TAFA1: variants seen among roughly 807,000 people sequenced by gnomAD.
The protein encoded by TAFA1 is chemokine-like protein TAFA-1.
TAFA1 carries 4 observed loss-of-function variants against 18.5 expected under a neutral mutation model. The observed-to-expected ratio is 0.22, with a 90% CI of 0.11 to 0.49. The LOEUF (loss-of-function observed/expected upper bound fraction) is 0.49, where lower values mean the gene tolerates loss of function less well. Ranked by LOEUF, TAFA1 falls within the 20% of genes least tolerant of loss-of-function variation. The probability of loss-of-function intolerance (pLI) is 0.98; values close to 1 mark genes in which losing one functional copy is unlikely to be tolerated. For synonymous variants in TAFA1, 56 were observed against 55.2 expected (o/e 1.01, Z -0.06); for missense variants, 147 against 169.0 (o/e 0.87, Z 0.72).
At chr3:68,478,749 T>A (rs2072153865) in intron 3 of TAFA1, among the ~76,000 whole-genome samples, 1 of 151,992 alleles carries the variant, frequency 6.6e-6, no homozygotes, top group African/African-American at 2.4e-5. Flanking sequence ...AATCAAAAAA[T>A]GTTATTTAAA....
chr3:68,422,504 C>T (rs1033197677), intron 3 of TAFA1, among the ~76,000 whole-genome samples: 8 of 151,974 alleles, frequency 5.3e-5, no homozygotes, highest in African/African-American at 1.9e-4. Context: ...ACAGTGTTTT[C>T]AAAAACAAGA....
chr3:68,078,959 T>C (rs545118440), intron 2 of TAFA1, among the ~76,000 whole-genome samples: 1 of 152,348 alleles, frequency 6.6e-6, no homozygotes, highest in South Asian at 2.1e-4. Context: ...TTTTGGCTGG[T>C]AAGCTATTGA....
At chr3:68,365,859 G>A (rs1035510744) in intron 2 of TAFA1, among the ~76,000 whole-genome samples, 1 of 152,044 alleles carries the variant, frequency 6.6e-6, no homozygotes, top group Non-Finnish European at 1.5e-5. Context: ...AGGCCAAGGC[G>A]GGCGGATCAC....
At chr3:68,381,238 C>G (rs1237284432) in intron 2 of TAFA1, among the ~76,000 whole-genome samples, 52 of 150,032 alleles carry the variant, frequency 3.5e-4, no homozygotes, top group Non-Finnish European at 6.4e-4. Flanking sequence ...GCTTAGGATT[C>G]ACTTGGCAAT....
chr3:68,359,529 G>T (rs1212104698), intron 2 of TAFA1, among the ~76,000 whole-genome samples: 1 of 151,976 alleles, frequency 6.6e-6, no homozygotes, highest in Non-Finnish European at 1.5e-5. Flanking sequence ...TGGATTTGAA[G>T]ATCAAGGAAG....
chr3:68,030,770 A>G (rs369606003), intron 2 of TAFA1, among the ~76,000 whole-genome samples: 1 of 152,250 alleles, frequency 6.6e-6, no homozygotes, highest in Non-Finnish European at 1.5e-5. Flanking sequence ...TCCTTTGGGT[A>G]TATACTCCAC....
intron 2 of TAFA1, among the ~76,000 whole-genome samples, chr3:68,278,471 G>C (rs187699895): frequency 2.0e-4 from 30 of 152,212 alleles, no homozygotes; most frequent in African/African-American, 7.2e-4. Flanking sequence ...GAGGGAGGCA[G>C]GTTGTTGTTC....
At chr3:68,032,096 G>GT (rs1157752258) in intron 2 of TAFA1, among the ~76,000 whole-genome samples, 2 of 151,890 alleles carry the variant, frequency 1.3e-5, no homozygotes, top group African/African-American at 2.4e-5. Flanking sequence ...GTACCTTCAT[G>GT]TTTTTTTCAG....
chr3:68,283,438 G>A (rs1486132723), intron 2 of TAFA1, among the ~76,000 whole-genome samples: 1 of 152,202 alleles, frequency 6.6e-6, no homozygotes, highest in Non-Finnish European at 1.5e-5. Flanking sequence ...AGTAATTTAT[G>A]CATAATTTTT....
chr3:68,348,048 G>A lies in TAFA1; in HGVS notation c.119-69232G>A, dbSNP rs114920196. On this transcript the variant is annotated intron_variant, in intron 2 of 4. Transcript: ENST00000478136. ...AACTCCCTGATGTTGATTCCTCAGA[G>A]CCTTTTCATACCTTATCTGTAAAGC... 4.8e-3 allele frequency among the ~76,000 whole-genome samples: 728 copies of A among 152,192 alleles called. 11 individuals carry two copies. Among genetic ancestry groups the A allele is most frequent in the African/African-American group, 0.017 (691 of 41,514 alleles).
chr3:68,215,113 C>T (rs1051022952), intron 2 of TAFA1, among the ~76,000 whole-genome samples: 9 of 151,888 alleles, frequency 5.9e-5, no homozygotes, highest in South Asian at 2.1e-4. Context: ...TGAATTTATG[C>T]GGTTATAACT....
intron 4 of TAFA1, 49 bp downstream of exon 4, chr3:68,538,929 T>C: frequency 6.3e-7 from 1 of 1,598,236 alleles, no homozygotes; most frequent in South Asian, 1.1e-5. Flanking sequence ...GACTGTACTA[T>C]TTGAGTTTGT....
intron 2 of TAFA1, among the ~76,000 whole-genome samples, chr3:68,185,660 A>T (rs2066260834): frequency 6.6e-6 from 1 of 152,102 alleles, no homozygotes; most frequent in Admixed American, 6.6e-5. Context: ...CTGTAATCCC[A>T]GCACTTTGGG....
At chr3:68,403,196 T>A (rs1432317288) in intron 2 of TAFA1, among the ~76,000 whole-genome samples, 1 of 152,200 alleles carries the variant, frequency 6.6e-6, no homozygotes, top group African/African-American at 2.4e-5. Context: ...TAGGTTTGTG[T>A]AAGTGTCCTC....
chr3:68,091,018 A>G (rs1398006917), intron 2 of TAFA1, among the ~76,000 whole-genome samples: 2 of 152,212 alleles, frequency 1.3e-5, no homozygotes, highest in Non-Finnish European at 2.9e-5. Flanking sequence ...TCTTGAAATC[A>G]AGTCTGAAGA....
At chr3:68,195,372 A>G (rs574228919) in intron 2 of TAFA1, among the ~76,000 whole-genome samples, 1 of 146,298 alleles carries the variant, frequency 6.8e-6, no homozygotes, top group Admixed American at 7.0e-5. Context: ...GGCATCCTAG[A>G]TTAACAGTTT....
At chr3:68,327,833 G>C (rs917229799) in intron 2 of TAFA1, among the ~76,000 whole-genome samples, 1 of 152,156 alleles carries the variant, frequency 6.6e-6, no homozygotes, top group Non-Finnish European at 1.5e-5. Flanking sequence ...GCATGACATA[G>C]AGCTGCCTTA....
intron 2 of TAFA1, among the ~76,000 whole-genome samples, chr3:68,051,890 G>C (rs1051998980): frequency 1.8e-4 from 28 of 152,014 alleles, no homozygotes; most frequent in African/African-American, 6.0e-4. Context: ...TTAAATGTTG[G>C]AGAGTCTTTT....
Position 68,428,040 on chromosome 3 carries a change from A to T in TAFA1, c.259+10620A>T, listed in dbSNP as rs897919117. On this transcript the variant is annotated intron_variant, in intron 3 of 4. Transcript: ENST00000478136. ...GTCTTGGGTATTTCTTTATAGGACT[A>T]TGAAAATGGACTAATGCACCCACTA... Among the ~76,000 whole-genome samples, 7 of 151,972 alleles carry T rather than the reference A, an allele frequency of 4.6e-5. No homozygotes were observed. The East Asian group carries it at 1.4e-3, about 29-fold the overall frequency.
Sources: allele counts gnomAD v4.1 joint callset (sites outside exome capture counted in the v4.1 genomes callset), GRCh38; gene constraint gnomAD v4.1.1; transcripts MANE v1.5; gene names NCBI Gene and HGNC (gene_info 2026-07-23, HGNC 2026-07-21).